CNOT6L: variants seen among roughly 807,000 people sequenced by gnomAD.
CNOT6L encodes CCR4-NOT transcription complex subunit 6-like.
CNOT6L carries 7 observed loss-of-function variants against 64.0 expected under a neutral mutation model. That is an observed-to-expected ratio of 0.11 (90% confidence interval 0.06 to 0.21). CNOT6L has a LOEUF of 0.21. Ranked by LOEUF, CNOT6L falls within the 10% of genes least tolerant of loss-of-function variation. The pLI, the probability that CNOT6L is intolerant of heterozygous loss-of-function variation, is 1.00. For missense variants in CNOT6L, 245 were observed against 669.0 expected (o/e 0.37, Z 6.99); for synonymous variants, 193 against 243.4 (o/e 0.79, Z 1.93).
intron 9 of CNOT6L, 54 bp downstream of exon 9, chr4:77,731,333 G>A: frequency 6.5e-7 from 1 of 1,547,512 alleles, no homozygotes; most frequent in South Asian, 1.2e-5. Context: ...TTTTGAGATG[G>A]AAAAACTTGG....
chr4:77,771,363 G>A (rs77623514), intron 4 of CNOT6L, among the ~76,000 whole-genome samples: 9,618 of 152,060 alleles, frequency 0.063, 449 homozygotes, highest in African/African-American at 0.13. Context: ...ATTTGTCATT[G>A]ATATGCTTTC....
At chr4:77,763,749 C>T (rs1250574514) in intron 4 of CNOT6L, among the ~76,000 whole-genome samples, 3 of 152,124 alleles carry the variant, frequency 2.0e-5, no homozygotes, top group Non-Finnish European at 4.4e-5. Flanking sequence ...ATATACTATG[C>T]CATAGGGCAA....
intron 1 of CNOT6L, among the ~76,000 whole-genome samples, chr4:77,818,372 T>A (rs1428327560): frequency 6.6e-6 from 1 of 151,636 alleles, no homozygotes; most frequent in Admixed American, 6.6e-5. Flanking sequence ...ATGCACAAAA[T>A]CCATCCAATC....
intron 5 of CNOT6L, among the ~76,000 whole-genome samples, chr4:77,754,833 G>A (rs891117765): frequency 2.1e-5 from 2 of 95,140 alleles, no homozygotes; most frequent in Non-Finnish European, 4.2e-5. Flanking sequence ...ATGGCTCAGA[G>A]TCAATATAAA....
chr4:77,717,376 C>G lies in CNOT6L; in HGVS notation c.*3055G>C, dbSNP rs757752956. On this transcript the variant is annotated 3_prime_UTR_variant, in exon 12 of 12. Transcript: ENST00000504123. The stretch of plus-strand genomic sequence containing the variant: ...GCAAACAGTACAGTTTTCTCTTCCT[C>G]AAACAATACTGTTTTAGTAAATTTT... 1 of 152,526 alleles carries G rather than the reference C, an allele frequency of 6.6e-6. No individual in the cohort carries two copies. Among genetic ancestry groups the G allele is most frequent in the Non-Finnish European group, 1.5e-5 (1 of 67,978 alleles). The allele number at this position is 152,526 out of a possible 1,614,324, so 9.4% of individuals were successfully genotyped here. A position where few individuals can be genotyped will look rare whatever the true frequency, so the allele number is the denominator to read the frequency against.
rs116340961 is a variant in CNOT6L, at chr4:77,773,063, T to G, written c.400+18A>C. 2.1e-4 allele frequency: 321 copies of G among 1,551,170 alleles called. No individual in the cohort carries two copies. The African/African-American group carries it at 2.6e-3, about 13-fold the overall frequency. The stretch of plus-strand genomic sequence containing the variant: ...TAAAAGGCTCAGAATACCTCAAAAC[T>G]GTTTAAAAATCACTTACCTTTCAAA... On this transcript the variant is annotated intron_variant, in intron 4 of 11. Transcript: ENST00000504123.
intron 5 of CNOT6L, among the ~76,000 whole-genome samples, chr4:77,751,389 C>A (rs1724845192): frequency 6.6e-6 from 1 of 151,950 alleles, no homozygotes; most frequent in Non-Finnish European, 1.5e-5. Context: ...CCTGAAAAAA[C>A]CTGTGGAACT....
intron 5 of CNOT6L, among the ~76,000 whole-genome samples, chr4:77,753,586 G>A (rs1298084689): frequency 6.6e-6 from 1 of 151,948 alleles, no homozygotes; most frequent in Non-Finnish European, 1.5e-5. Context: ...CAGGAGAATC[G>A]CTTGAACCTG....
intron 8 of CNOT6L, among the ~76,000 whole-genome samples, chr4:77,740,212 A>C (rs893262031): frequency 1.3e-5 from 2 of 152,076 alleles, no homozygotes; most frequent in African/African-American, 4.8e-5. Flanking sequence ...CTCTACAAAA[A>C]ATACAAAAAT....
chr4:77,728,129 T>C (rs527943165), intron 10 of CNOT6L, among the ~76,000 whole-genome samples: 1 of 152,374 alleles, frequency 6.6e-6, no homozygotes, highest in African/African-American at 2.4e-5. Context: ...TAAAGTAGTT[T>C]AGTGGAGCTC....
chr4:77,776,196 C>G, intron 2 of CNOT6L, 75 bp downstream of exon 2: 1 of 1,470,984 alleles, frequency 6.8e-7, no homozygotes, highest in Non-Finnish European at 9.3e-7. Context: ...AAATGTACAA[C>G]AAAAAATATA....
At chr4:77,776,417 A>G in intron 1 of CNOT6L, 25 bp from the exon 2 acceptor site, 1 of 1,462,070 alleles carries the variant, frequency 6.8e-7, no homozygotes, top group Non-Finnish European at 9.4e-7. Flanking sequence ...AAAGGAGGAG[A>G]TCAATAATTA....
chr4:77,728,730 C>A, intron 10 of CNOT6L, 124 bp downstream of exon 10: 1 of 724,478 alleles, frequency 1.4e-6, no homozygotes, highest in Admixed American at 2.4e-5. Context: ...TACCTTGTGT[C>A]CCATCCATGG....
At chr4:77,738,746 T>TC (rs1671845229) in intron 8 of CNOT6L, among the ~76,000 whole-genome samples, 3 of 78,724 alleles carry the variant, frequency 3.8e-5, no homozygotes, top group Admixed American at 1.9e-4. Context: ...AGAGTGAAAC[T>TC]CCGTCTCAAA....
At chr4:77,767,932 T>C (rs1245267281) in intron 4 of CNOT6L, among the ~76,000 whole-genome samples, 2 of 145,646 alleles carry the variant, frequency 1.4e-5, no homozygotes, top group South Asian at 2.2e-4. Flanking sequence ...CAAGCTGAGA[T>C]TTGCACCATT....
intron 1 of CNOT6L, among the ~76,000 whole-genome samples, chr4:77,778,662 C>A (rs1054762473): frequency 2.0e-5 from 3 of 150,138 alleles, no homozygotes; most frequent in Non-Finnish European, 4.4e-5. Flanking sequence ...GCCTTGGCCT[C>A]CCAAAGTGCT....
intron 1 of CNOT6L, among the ~76,000 whole-genome samples, chr4:77,794,237 G>C (rs562135700): frequency 6.7e-6 from 1 of 148,968 alleles, no homozygotes; most frequent in South Asian, 2.1e-4. Context: ...TCTCAACCTT[G>C]GTTGGCCTTT....
At chr4:77,767,062 CAAAAAAAAAAA>C (rs56926683) in intron 4 of CNOT6L, among the ~76,000 whole-genome samples, 3 of 25,968 alleles carry the variant, frequency 1.2e-4, no homozygotes, top group African/African-American at 1.5e-4. Context: ...AACTCCGTCT[CAAAAAAAAAAA>C]AAAAAAAAAA....
At chr4:77,810,162 T>C (rs182003677) in intron 1 of CNOT6L, among the ~76,000 whole-genome samples, 5 of 152,244 alleles carry the variant, frequency 3.3e-5, no homozygotes, top group Admixed American at 6.5e-5. Context: ...CAAAGTTATC[T>C]TAACTTCTGA....
Sources: allele counts gnomAD v4.1 joint callset (sites outside exome capture counted in the v4.1 genomes callset), GRCh38; gene constraint gnomAD v4.1.1; transcripts MANE v1.5; gene names NCBI Gene and HGNC (gene_info 2026-07-23, HGNC 2026-07-21).